Variants in COBLL1 observed in about 807,000 individuals in gnomAD.
COBLL1 encodes the protein cordon-bleu WH2 repeat protein like 1.
In COBLL1, 50 loss-of-function variants were observed where a neutral mutation model predicts 94.8. The observed-to-expected ratio is 0.53, with a 90% CI of 0.42 to 0.67. The LOEUF (loss-of-function observed/expected upper bound fraction) is 0.67, where lower values mean the gene tolerates loss of function less well. COBLL1 is among the 30% of genes least tolerant of loss of function. The pLI is 0.00. For synonymous variants in COBLL1, 448 were observed against 473.8 expected (o/e 0.95, Z 0.71); for missense variants, 1,362 against 1,348.7 (o/e 1.01, Z -0.15).
intron 2 of COBLL1, among the ~76,000 whole-genome samples, chr2:164,825,059 G>A (rs772881629): frequency 1.1e-4 from 17 of 152,118 alleles, no homozygotes; most frequent in South Asian, 2.1e-4. Flanking sequence ...TGTACAATCT[G>A]GATAACATCT....
At chr2:164,813,363 G>A (rs1189389955) in intron 2 of COBLL1, among the ~76,000 whole-genome samples, 1 of 152,092 alleles carries the variant, frequency 6.6e-6, no homozygotes, top group African/African-American at 2.4e-5. Context: ...GGTACAAAAT[G>A]TATAAAGTCA....
chr2:164,820,512 C>T (rs1442526821), intron 2 of COBLL1, among the ~76,000 whole-genome samples: 7 of 151,946 alleles, frequency 4.6e-5, no homozygotes, highest in Admixed American at 1.3e-4. Context: ...TGAGTCACCG[C>T]GCCAGGCCTG....
At chr2:164,725,515 C>G (rs1685683353) in intron 5 of COBLL1, among the ~76,000 whole-genome samples, 1 of 152,090 alleles carries the variant, frequency 6.6e-6, no homozygotes, top group African/African-American at 2.4e-5. Context: ...CCTCCCTGGG[C>G]TTAGGTGATC....
chr2:164,797,202 C>T (rs1683508950), intron 2 of COBLL1, among the ~76,000 whole-genome samples: 1 of 152,140 alleles, frequency 6.6e-6, no homozygotes, highest in Admixed American at 6.5e-5. Flanking sequence ...CATGTGCAAG[C>T]ATTACCACAC....
At chr2:164,799,758 G>A (rs1055621283) in intron 2 of COBLL1, among the ~76,000 whole-genome samples, 2 of 152,122 alleles carry the variant, frequency 1.3e-5, no homozygotes, top group Non-Finnish European at 2.9e-5. Flanking sequence ...ACAGATCAAT[G>A]GAACAAAATA....
chr2:164,790,891 G>A (rs543607304), intron 2 of COBLL1, among the ~76,000 whole-genome samples: 19 of 152,248 alleles, frequency 1.2e-4, no homozygotes, highest in African/African-American at 4.6e-4. Flanking sequence ...TTAAACTTTT[G>A]AGTTTAGGCA....
rs1230461002 is a variant in COBLL1, at chr2:164,680,234, A to G, written c.*5712T>C. On this transcript the variant is annotated 3_prime_UTR_variant, in exon 14 of 14. Transcript: ENST00000652658. ...TTTATTGACTTTATTATAATTTCAA[A>G]CATGCAGACAAGTTAAAAATCATGT... The G allele has an allele frequency of 6.6e-6, 1 of 152,096 alleles. No homozygotes were observed. The highest frequency in any genetic ancestry group is 1.5e-5 in the Non-Finnish European group (1 of 68,020). The allele number at this position is 152,096 out of a possible 1,614,324, so 9.4% of individuals were successfully genotyped here. A position where few individuals can be genotyped will look rare whatever the true frequency, so the allele number is the denominator to read the frequency against.
Position 164,683,841 on chromosome 2 carries a change from T to C in COBLL1, c.*2105A>G, listed in dbSNP as rs929344195. On this transcript the variant is annotated 3_prime_UTR_variant, in exon 14 of 14. Coordinates refer to ENST00000652658, the MANE Select transcript of COBLL1 (RefSeq NM_001365672.2). ...TGGACTGCTGTGTGGAAGTCTATCA[T>C]ATGAATATATGCATTACTAAAGCTG... is the stretch of plus-strand genomic sequence containing the variant. 1 of 152,188 alleles carries C rather than the reference T, an allele frequency of 6.6e-6. No individual in the cohort carries two copies. The highest frequency in any genetic ancestry group is 1.5e-5 in the Non-Finnish European group (1 of 68,020). 9.4% of individuals were successfully genotyped at this position (152,188 alleles called of 1,614,324 possible). A position where few individuals can be genotyped will look rare whatever the true frequency, so the allele number is the denominator to read the frequency against.
At chr2:164,812,182 C>T (rs1684493833) in intron 2 of COBLL1, among the ~76,000 whole-genome samples, 1 of 151,988 alleles carries the variant, frequency 6.6e-6, no homozygotes. Context: ...CAATTTCTGA[C>T]ACTGTATTAT....
chr2:164,726,280 T>C (rs1324566337), intron 5 of COBLL1, among the ~76,000 whole-genome samples: 1 of 152,182 alleles, frequency 6.6e-6, no homozygotes, highest in African/African-American at 2.4e-5. Context: ...TCTAATCTCC[T>C]ATTATTATAG....
At chr2:164,820,446 C>A (rs1685107846) in intron 2 of COBLL1, among the ~76,000 whole-genome samples, 1 of 152,016 alleles carries the variant, frequency 6.6e-6, no homozygotes, top group African/African-American at 2.4e-5. Flanking sequence ...GTCTTGAAAT[C>A]CTGGGCTTCG....
chr2:164,771,108 T>C (rs355853), intron 2 of COBLL1, among the ~76,000 whole-genome samples: 35,419 of 151,852 alleles, frequency 0.23, 4,789 homozygotes, highest in African/African-American at 0.37. Context: ...AGCTAGAAAA[T>C]ATAAAAATTT....
intron 2 of COBLL1, among the ~76,000 whole-genome samples, chr2:164,750,183 T>C (rs1236512075): frequency 1.3e-5 from 2 of 152,220 alleles, no homozygotes; most frequent in African/African-American, 4.8e-5. Context: ...TGACTTTTAT[T>C]CCCAACAATC....
intron 2 of COBLL1, among the ~76,000 whole-genome samples, chr2:164,818,627 GGCGTATATGTACATATGTAAACATATATA>G (rs1574647050): frequency 7.8e-5 from 11 of 140,710 alleles, no homozygotes; most frequent in East Asian, 4.1e-4. Context: ...ACACATATAT[GGCGTATATGTACATATGTAAACATATATA>G]GCGTATATGT....
In COBLL1 at chr2:164,755,600, A is replaced by T. The variant is rs181206067; in HGVS notation, c.42-11725T>A. 5.2e-3 allele frequency among the ~76,000 whole-genome samples: 795 copies of T among 152,330 alleles called. 12 individuals carry two copies. The highest frequency in any genetic ancestry group is 0.018 in the African/African-American group (734 of 41,562). On this transcript the variant is annotated intron_variant, in intron 2 of 13. Coordinates refer to ENST00000652658, the MANE Select transcript of COBLL1 (RefSeq NM_001365672.2). ...TTAGACCTTTGAGAATAAGGTTAGC[A>T]TGAGTAGATGAAGCTTTATTGTAAT...
chr2:164,694,568 C>T lies in COBLL1; in HGVS notation c.2824G>A (p.Ala942Thr). 1 of 1,613,854 alleles carries T rather than the reference C, an allele frequency of 6.2e-7. No homozygotes were observed. The highest frequency in any genetic ancestry group is 8.5e-7 in the Non-Finnish European group (1 of 1,179,932). The change falls in exon 12 of 14, where the codon GCT becomes ACT. Residue 942 changes from alanine (A) to threonine (T), a missense_variant. By Grantham distance (58) the Ala-to-Thr change is moderately conservative (BLOSUM62 0). Coordinates refer to ENST00000652658, the MANE Select transcript of COBLL1 (RefSeq NM_001365672.2). Reference sequence around the variant, plus strand: ...GGAGGAGGGGAGGCTTCAGCAGGAGCCTGACCGATGACATCATCATCAGTT... The same window carrying T: ...GGAGGAGGGGAGGCTTCAGCAGGAGTCTGACCGATGACATCATCATCAGTT... ...EKTDDDVIGQAPAEASPPPIA... is the reference protein window; with the variant it reads ...EKTDDDVIGQTPAEASPPPIA...
Position 164,673,660 on chromosome 2 carries a change from A to G in COBLL1, n.127-7759T>C, listed in dbSNP as rs145909185. 8.6e-3 allele frequency among the ~76,000 whole-genome samples: 1,302 copies of G among 152,068 alleles called. 9 individuals carry two copies. The highest frequency in any genetic ancestry group is 0.022 in the African/African-American group (915 of 41,466). Reference sequence around the variant, plus strand: ...CTGCACTGCAGCCTGGGTGAAAGAGACTCTGTTTCAAAAAAATAAAAATAA... The same window carrying G: ...CTGCACTGCAGCCTGGGTGAAAGAGGCTCTGTTTCAAAAAAATAAAAATAA... On this transcript the variant is annotated intron_variant and non_coding_transcript_variant, in intron 1 of 2. Coordinates refer to the COBLL1 transcript ENST00000495084.
chr2:164,841,861 G>A (rs1284508984), upstream of COBLL1: 7 of 878,966 alleles, frequency 8.0e-6, no homozygotes, highest in Non-Finnish European at 1.2e-5. This position sits in a 1 kb window ranked among gnomAD's most constrained non-coding sequence, Gnocchi z 5.5. Context: ...AGCCCAGCGC[G>A]GGCAGGGCCG....
At chr2:164,800,761 A>G (rs1455742280) in intron 2 of COBLL1, among the ~76,000 whole-genome samples, 2 of 152,176 alleles carry the variant, frequency 1.3e-5, no homozygotes, top group East Asian at 3.9e-4. Context: ...AGTTAGATGA[A>G]TCTCAAAGGC....
Sources: gnomAD v4.1 joint callset for allele counts (sites outside exome capture counted in the v4.1 genomes callset) on GRCh38, gnomAD v4.1.1 for gene constraint, Gnocchi (gnomAD v3.1) non-coding constraint, MANE v1.5 for transcripts, NCBI Gene and HGNC (gene_info 2026-07-23, HGNC 2026-07-21) for gene names.